MIPOL1: variants seen among roughly 807,000 people sequenced by gnomAD.
The protein encoded by MIPOL1 is mirror-image polydactyly 1.
MIPOL1 carries 57 observed loss-of-function variants against 60.9 expected under a neutral mutation model. The observed-to-expected ratio is 0.94, with a 90% CI of 0.76 to 1.17. The LOEUF (loss-of-function observed/expected upper bound fraction) is 1.17. Ranked by LOEUF, MIPOL1 falls within the 50% of genes most tolerant of loss-of-function variation. MIPOL1 has a pLI of 0.00. For missense variants in MIPOL1, 551 were observed against 511.6 expected, an observed-to-expected ratio of 1.08 and a Z score of -0.74; for synonymous variants, 179 against 168.8, an observed-to-expected ratio of 1.06 and a Z score of -0.47.
intron 10 of MIPOL1, among the ~76,000 whole-genome samples, chr14:37,405,847 TAA>T (rs1387625514): frequency 2.6e-5 from 4 of 151,752 alleles, no homozygotes; most frequent in African/African-American, 7.2e-5. Flanking sequence ...TTCTCCAATT[TAA>T]AAAGTTTCCT....
intron 7 of MIPOL1, among the ~76,000 whole-genome samples, chr14:37,295,376 C>A (rs560512101): frequency 6.6e-6 from 1 of 152,292 alleles, no homozygotes; most frequent in African/African-American, 2.4e-5. Context: ...ACCATCAAGG[C>A]TAGGAAGAAA....
chr14:37,403,942 C>A (rs1262000294), intron 10 of MIPOL1, among the ~76,000 whole-genome samples: 3 of 152,226 alleles, frequency 2.0e-5, no homozygotes, highest in South Asian at 4.1e-4. Flanking sequence ...GTTGTAAATT[C>A]TTGTAGACAC....
intron 9 of MIPOL1, among the ~76,000 whole-genome samples, chr14:37,354,213 A>G (rs1171438515): frequency 2.0e-5 from 3 of 151,690 alleles, no homozygotes; most frequent in African/African-American, 2.4e-5. Context: ...GTAGTTGAGC[A>G]GTTTTGAGTG....
In MIPOL1 at chr14:37,290,873, G is replaced by T. The variant is rs144694416; in HGVS notation, c.623+5426G>T. ...TCCTCTACCTCCTTCCATGCCCCAC[G>T]CTCCAGTAGGCCCCAGTGTTTGTTG... On this transcript the variant is annotated intron_variant, in intron 7 of 12. Coordinates refer to ENST00000684589, the MANE Select transcript of MIPOL1 (RefSeq NM_001388067.1). 3.1e-3 allele frequency among the ~76,000 whole-genome samples: 467 copies of T among 151,924 alleles called. 1 individual carries two copies. Among genetic ancestry groups the T allele is most frequent in the African/African-American group, 0.01 (427 of 41,434 alleles).
chr14:37,539,617 A>T (rs2095521654), intron 12 of MIPOL1, among the ~76,000 whole-genome samples: 1 of 152,200 alleles, frequency 6.6e-6, no homozygotes, highest in Non-Finnish European at 1.5e-5. Context: ...CCCTTCGAGG[A>T]CTGGAAGTGT....
intron 11 of MIPOL1, among the ~76,000 whole-genome samples, chr14:37,462,234 G>A (rs1392399332): frequency 1.3e-5 from 2 of 152,238 alleles, no homozygotes; most frequent in Admixed American, 6.5e-5. Flanking sequence ...CTTGAGGCTT[G>A]CACCCTCTGA....
intron 1 of MIPOL1, among the ~76,000 whole-genome samples, chr14:37,244,287 A>T: frequency 6.7e-6 from 1 of 149,402 alleles, no homozygotes; most frequent in Middle Eastern, 3.5e-3. Flanking sequence ...AGCCAGGCTA[A>T]TTTTTTTTTA....
At chr14:37,364,389 G>A (rs1029046286) in intron 9 of MIPOL1, among the ~76,000 whole-genome samples, 2 of 152,122 alleles carry the variant, frequency 1.3e-5, no homozygotes, top group African/African-American at 4.8e-5. Context: ...CATCCATTTT[G>A]ATTTGATTTT....
At chr14:37,243,637 G>T (rs1443895815) in intron 1 of MIPOL1, among the ~76,000 whole-genome samples, 1 of 152,070 alleles carries the variant, frequency 6.6e-6, no homozygotes, top group South Asian at 2.1e-4. Context: ...GAAAAATATG[G>T]CATAAACCAA....
intron 1 of MIPOL1, among the ~76,000 whole-genome samples, chr14:37,209,514 C>T (rs60047292): frequency 6.6e-6 from 1 of 151,794 alleles, no homozygotes; most frequent in Non-Finnish European, 1.5e-5. Flanking sequence ...ACAAAAATTA[C>T]CTGGGCATGG....
At chr14:37,313,855 C>A (rs1250438172) in intron 9 of MIPOL1, among the ~76,000 whole-genome samples, 1 of 152,210 alleles carries the variant, frequency 6.6e-6, no homozygotes, top group South Asian at 2.1e-4. Flanking sequence ...GAGCAAAGCA[C>A]AGCAAGGCAA....
At chr14:37,303,104 A>G (rs1025545460) in intron 7 of MIPOL1, among the ~76,000 whole-genome samples, 9 of 151,928 alleles carry the variant, frequency 5.9e-5, no homozygotes, top group Non-Finnish European at 5.9e-5. Flanking sequence ...AAAGATTTTT[A>G]TGCTTTAAAA....
intron 11 of MIPOL1, among the ~76,000 whole-genome samples, chr14:37,467,760 G>C (rs1179011296): frequency 6.6e-6 from 1 of 152,036 alleles, no homozygotes; most frequent in Non-Finnish European, 1.5e-5. Flanking sequence ...CCTCTATAAG[G>C]TTAGAGATTT....
At chr14:37,288,517 A>G (rs1374175503) in intron 7 of MIPOL1, among the ~76,000 whole-genome samples, 1 of 152,132 alleles carries the variant, frequency 6.6e-6, no homozygotes, top group Non-Finnish European at 1.5e-5. Flanking sequence ...GAAGAGATGA[A>G]TAGAGGCCGG....
intron 1 of MIPOL1, among the ~76,000 whole-genome samples, chr14:37,233,992 C>G (rs1422671759): frequency 1.3e-5 from 2 of 152,170 alleles, no homozygotes; most frequent in East Asian, 1.9e-4. Flanking sequence ...CAGGATCATA[C>G]TGGTATAAAA....
chr14:37,338,048 C>T (rs1258541464), intron 9 of MIPOL1, among the ~76,000 whole-genome samples: 3 of 151,372 alleles, frequency 2.0e-5, no homozygotes, highest in Admixed American at 6.6e-5. Flanking sequence ...GTATGGTTTA[C>T]AAAAGGCATC....
intron 1 of MIPOL1, among the ~76,000 whole-genome samples, chr14:37,207,410 G>C (rs1020476157): frequency 2.6e-5 from 4 of 152,060 alleles, no homozygotes; most frequent in African/African-American, 7.2e-5. Context: ...GCCTAGTCTT[G>C]GGTATGTTTT....
At chr14:37,431,402 A>G (rs892754087) in intron 11 of MIPOL1, among the ~76,000 whole-genome samples, 14 of 151,948 alleles carry the variant, frequency 9.2e-5, no homozygotes, top group Non-Finnish European at 1.9e-4. Flanking sequence ...TACTTTGTTT[A>G]CTTGTCTTCT....
rs5807957 is a variant in MIPOL1 at position 37,550,544 on chromosome 14, TA to T, written c.*3580del. 90,751 of 150,972 alleles carry T rather than the reference TA, an allele frequency of 0.6. 27,466 individuals carry two copies. Among genetic ancestry groups the T allele is most frequent in the East Asian group, 0.84 (4,339 of 5,146 alleles). 9.4% of individuals were successfully genotyped at this position (150,972 alleles called of 1,614,324 possible). A position where few individuals can be genotyped will look rare whatever the true frequency, so the allele number is the denominator to read the frequency against. On this transcript the variant is annotated 3_prime_UTR_variant, in exon 13 of 13. Coordinates refer to ENST00000684589, the MANE Select transcript of MIPOL1 (RefSeq NM_001388067.1). Reference sequence around the variant, plus strand: ...CACACACACCGATACATTTACCTTTTAAAAAAATGATTTATAAGTGAACTGT... The same window carrying T: ...CACACACACCGATACATTTACCTTTTAAAAAATGATTTATAAGTGAACTGT...
Sources: allele counts gnomAD v4.1 joint callset (sites outside exome capture counted in the v4.1 genomes callset), GRCh38; gene constraint gnomAD v4.1.1; transcripts MANE v1.5; gene names NCBI Gene and HGNC (gene_info 2026-07-23, HGNC 2026-07-21).